The following TTC7B variants were observed in gnomAD, a reference collection of about 807,000 sequenced individuals.
TTC7B encodes tetratricopeptide repeat protein 7B.
A neutral mutation model predicts 106.8 loss-of-function variants in TTC7B; 28 were observed. The ratio of observed to expected loss-of-function variants is 0.26; its 90% CI spans 0.19 to 0.36. The LOEUF is 0.36. Ranked by LOEUF, TTC7B falls within the 10% of genes least tolerant of loss-of-function variation. The probability of loss-of-function intolerance (pLI) is 1.00; values close to 1 mark genes in which losing one functional copy is unlikely to be tolerated. For synonymous variants in TTC7B, 405 were observed against 430.6 expected, an observed-to-expected ratio of 0.94 and a Z score of 0.74; for missense variants, 862 against 1,076.4, an observed-to-expected ratio of 0.80 and a Z score of 2.79.
At chr14:90,593,689 C>A in intron 17 of TTC7B, 63 bp from the exon 18 acceptor site, 2 of 1,464,422 alleles carry the variant, frequency 1.4e-6, no homozygotes, top group East Asian at 2.4e-5. Context: ...CAATCAACCC[C>A]TTCCCACACA....
At chr14:90,569,370 CTG>C (rs986020047) in intron 19 of TTC7B, among the ~76,000 whole-genome samples, 3 of 152,196 alleles carry the variant, frequency 2.0e-5, no homozygotes, top group African/African-American at 7.2e-5. Flanking sequence ...AGGGCTGAGG[CTG>C]TGTCCCAAGT....
rs537724074 is a variant in TTC7B, at chr14:90,622,684, C to T, written c.1752-4639G>A. Among the ~76,000 whole-genome samples the T allele has an allele frequency of 1.5e-4, 23 of 152,236 alleles. No homozygotes were observed. The East Asian group carries it at 3.1e-3, about 21-fold the overall frequency. On this transcript the variant is annotated intron_variant, in intron 15 of 19. Transcript: ENST00000328459. ...GGTCAAGGCTGCAGTGAGCTGAGAT[C>T]ATGCCACTACACCACTCTAGCCTGG...
chr14:90,694,725 TA>T (rs1410951215), intron 6 of TTC7B, among the ~76,000 whole-genome samples: 3 of 141,906 alleles, frequency 2.1e-5, no homozygotes, highest in South Asian at 2.2e-4. Flanking sequence ...AAAATAGGTA[TA>T]TTTTATATAC....
At chr14:90,685,014 T>C (rs1265053743) in intron 7 of TTC7B, among the ~76,000 whole-genome samples, 1 of 152,182 alleles carries the variant, frequency 6.6e-6, no homozygotes, top group African/African-American at 2.4e-5. Flanking sequence ...CTACATTGTA[T>C]TTCCTTTCAA....
intron 19 of TTC7B, among the ~76,000 whole-genome samples, chr14:90,574,430 C>T (rs1247212966): frequency 6.6e-6 from 1 of 152,208 alleles, no homozygotes; most frequent in Non-Finnish European, 1.5e-5. Context: ...TTGTCTTGTG[C>T]TAACTCATTA....
intron 18 of TTC7B, among the ~76,000 whole-genome samples, chr14:90,584,493 G>C (rs1208413247): frequency 6.6e-6 from 1 of 152,238 alleles, no homozygotes; most frequent in Admixed American, 6.5e-5. Flanking sequence ...CAGCCTGGAG[G>C]AATGCAAGGA....
At chr14:90,799,902 TC>T (rs1252858305) in intron 1 of TTC7B, among the ~76,000 whole-genome samples, 1 of 152,104 alleles carries the variant, frequency 6.6e-6, no homozygotes, top group Non-Finnish European at 1.5e-5. Context: ...CGATCTCGGC[TC>T]ACTGCAACCT....
rs570049034 is a variant in TTC7B, at chr14:90,780,731, G to A, written c.445+7C>T. ...CGGGACACTGTGTTAGAAGGCACGG[G>A]CCTCACCTTTGGTAGCGTAGGCTTC... On this transcript the variant is annotated splice_region_variant and intron_variant, in intron 3 of 19. Transcript: ENST00000328459. 6.2e-7 allele frequency: 1 copy of A among 1,613,590 alleles called. No homozygotes were observed. The highest frequency in any genetic ancestry group is 2.2e-5 in the East Asian group (1 of 44,876).
At chr14:90,733,825 C>T (rs757993661) in intron 4 of TTC7B, among the ~76,000 whole-genome samples, 4 of 152,150 alleles carry the variant, frequency 2.6e-5, no homozygotes, top group Non-Finnish European at 4.4e-5. Flanking sequence ...CTTCACTGCC[C>T]TCATCTATAC....
At chr14:90,801,222 C>CAA (rs67620286) in intron 1 of TTC7B, among the ~76,000 whole-genome samples, 3,231 of 70,858 alleles carry the variant, frequency 0.046, 122 homozygotes, top group African/African-American at 0.051. Flanking sequence ...AAGACCCTAT[C>CAA]AAAAAAAAAA....
At chr14:90,603,227 G>C (rs1399143421) in intron 17 of TTC7B, 12 of 1,278,280 alleles carry the variant, frequency 9.4e-6, no homozygotes, top group African/African-American at 9.2e-5. Context: ...CCCTCGGAAG[G>C]ATTAATAGAT....
intron 8 of TTC7B, chr14:90,677,972 C>CA (rs961555010): frequency 1.1e-5 from 4 of 348,574 alleles, no homozygotes; most frequent in African/African-American, 6.5e-5. Flanking sequence ...CTCTTGAGCC[C>CA]AAAAAAAGCA....
intron 5 of TTC7B, among the ~76,000 whole-genome samples, chr14:90,726,594 T>G (rs914548326): frequency 1.2e-4 from 18 of 152,178 alleles, no homozygotes; most frequent in Admixed American, 2.6e-4. Context: ...ATGTGCATAT[T>G]TTTATTTGCT....
At chr14:90,755,425 A>T (rs544371222) in intron 3 of TTC7B, among the ~76,000 whole-genome samples, 1 of 152,302 alleles carries the variant, frequency 6.6e-6, no homozygotes, top group East Asian at 1.9e-4. Flanking sequence ...AGGCAAGAGG[A>T]TTACTTGGGG....
At chr14:90,766,260 G>GGA (rs34710496) in intron 3 of TTC7B, among the ~76,000 whole-genome samples, 1 of 150,800 alleles carries the variant, frequency 6.6e-6, no homozygotes, top group African/African-American at 2.4e-5. Flanking sequence ...AAAATCAGAA[G>GGA]GCACACACAC....
chr14:90,670,291 C>T (rs779009299), intron 9 of TTC7B, among the ~76,000 whole-genome samples: 1 of 151,928 alleles, frequency 6.6e-6, no homozygotes, highest in African/African-American at 2.4e-5. Context: ...TATGAGGTAC[C>T]CAAAATAAGC....
chr14:90,804,560 T>A (rs990022629), intron 1 of TTC7B, among the ~76,000 whole-genome samples: 28 of 152,142 alleles, frequency 1.8e-4, no homozygotes, highest in Admixed American at 2.0e-4. Context: ...CTCAGCACGG[T>A]TGTGAGTGCG....
Position 90,524,861 on chromosome 14 carries a change from C to T in TTC7B, c.*16507G>A, listed in dbSNP as rs1889109240. On this transcript the variant is annotated 3_prime_UTR_variant, in exon 20 of 20. Transcript: ENST00000328459. The stretch of plus-strand genomic sequence containing the variant: ...GTGGGGAGACTGAGGCCAGGCTGTA[C>T]TCATCTCCATTACGAGGCCTTTTTT... 6.6e-6 allele frequency: 1 copy of T among 150,496 alleles called. No individual in the cohort carries two copies. The allele number at this position is 150,496 out of a possible 1,614,324, so 9.3% of individuals were successfully genotyped here. A position where few individuals can be genotyped will look rare whatever the true frequency, so the allele number is the denominator to read the frequency against.
chr14:90,662,711 A>G (rs922856336), intron 9 of TTC7B, among the ~76,000 whole-genome samples: 1 of 152,252 alleles, frequency 6.6e-6, no homozygotes, highest in Non-Finnish European at 1.5e-5. Flanking sequence ...TACTAAGATT[A>G]AATTAGTTAC....
Sources: allele counts gnomAD v4.1 joint callset (sites outside exome capture counted in the v4.1 genomes callset), GRCh38; gene constraint gnomAD v4.1.1; transcripts MANE v1.5; gene names NCBI Gene and HGNC (gene_info 2026-07-23, HGNC 2026-07-21).